XIAP: variants seen among roughly 807,000 people sequenced by gnomAD.
XIAP encodes X-linked inhibitor of apoptosis.
In XIAP, 3 loss-of-function variants were observed where a neutral mutation model predicts 33.1. The ratio of observed to expected loss-of-function variants is 0.09; its 90% CI spans 0.04 to 0.23. XIAP has a LOEUF of 0.23. Ranked by LOEUF, XIAP falls within the 10% of genes least tolerant of loss-of-function variation. The probability of loss-of-function intolerance (pLI) is 1.00; values close to 1 mark genes in which losing one functional copy is unlikely to be tolerated. For missense variants in XIAP, 264 were observed against 363.0 expected (o/e 0.73, Z 2.22); for synonymous variants, 98 against 121.3 (o/e 0.81, Z 1.26).
chrX:123,903,721 G>A (rs2053536398), intron 6 of XIAP, among the ~76,000 whole-genome samples: 3 of 104,197 alleles, frequency 2.9e-5, no homozygotes, highest in Non-Finnish European at 3.9e-5. Flanking sequence ...GTATGGTTCC[G>A]TAGTGTTAAG....
At chrX:123,880,642 CAG>C (rs371158989) in intron 1 of XIAP, among the ~76,000 whole-genome samples, 25 of 102,084 alleles carry the variant, frequency 2.4e-4, no homozygotes, top group African/African-American at 8.0e-4. Flanking sequence ...GAGGCTGAGA[CAG>C]GAGAATGGCT....
At chrX:123,897,661 C>T (rs2053473701) in intron 5 of XIAP, among the ~76,000 whole-genome samples, 1 of 111,218 alleles carries the variant, frequency 9.0e-6, no homozygotes, top group African/African-American at 3.3e-5. Flanking sequence ...CTCCCGGGTT[C>T]AAGCGATTCT....
chrX:123,895,380 A>C (rs2053450605), intron 5 of XIAP, among the ~76,000 whole-genome samples: 1 of 112,087 alleles, frequency 8.9e-6, no homozygotes, highest in Admixed American at 9.5e-5. Flanking sequence ...CTACTTTTTG[A>C]CTATTATGAA....
chrX:123,896,784 A>G (rs2053464641), intron 5 of XIAP, among the ~76,000 whole-genome samples: 1 of 107,367 alleles, frequency 9.3e-6, no homozygotes, highest in South Asian at 4.1e-4. Flanking sequence ...GGGTTTCACC[A>G]TGTTGGCCAG....
chrX:123,860,240 C>G lies in XIAP; in HGVS notation c.-86C>G, dbSNP rs1326997163. 2.4e-5 allele frequency: 8 copies of G among 328,855 alleles called. No homozygotes were observed. Among genetic ancestry groups the G allele is most frequent in the Non-Finnish European group, 4.1e-5 (7 of 169,830 alleles). The allele number at this position is 328,855 out of a possible 1,213,427, so 27.1% of individuals were successfully genotyped here. A position where few individuals can be genotyped will look rare whatever the true frequency, so the allele number is the denominator to read the frequency against. ...GGGCCGCGCCTCCTCCGGGACCCTC[C>G]CCTTGGACCGAGCCGATCGCCGCGG... is the stretch of plus-strand genomic sequence containing the variant. On this transcript the variant is annotated 5_prime_UTR_variant, in exon 1 of 7. Coordinates refer to ENST00000371199, the MANE Select transcript of XIAP (RefSeq NM_001167.4).
intron 1 of XIAP, among the ~76,000 whole-genome samples, chrX:123,869,962 A>AT (rs67494680): frequency 0.017 from 1,870 of 108,335 alleles, 10 homozygotes; most frequent in African/African-American, 0.025. Flanking sequence ...AAGAGGATTG[A>AT]TTTTTTTTTT....
At position 123,910,535 on chromosome X, in the gene XIAP, T is replaced by C. The variant is rs1385874152; in HGVS notation, c.*3354T>C. ...GAAAGGGGCTAGTATATCAGTAGGATATACTATGGGATGTATATATATCAT... is the reference window on the plus strand; with the variant it reads ...GAAAGGGGCTAGTATATCAGTAGGACATACTATGGGATGTATATATATCAT... On this transcript the variant is annotated 3_prime_UTR_variant, in exon 7 of 7. Transcript: ENST00000371199. 5 of 329,315 alleles carry C rather than the reference T, an allele frequency of 1.5e-5. No homozygotes were observed. Among genetic ancestry groups the C allele is most frequent in the South Asian group, 1.3e-4 (5 of 38,494 alleles). The allele number at this position is 329,315 out of a possible 1,213,427, so 27.1% of individuals were successfully genotyped here.
chrX:123,906,942 A>G, intron 6 of XIAP, 46 bp from the exon 7 acceptor site: 1 of 1,188,579 alleles, frequency 8.4e-7, no homozygotes. Context: ...GAATTTAAAC[A>G]ACTAAGAGAG....
chrX:123,862,180 C>A (rs1267627378), intron 1 of XIAP, among the ~76,000 whole-genome samples: 1 of 107,337 alleles, frequency 9.3e-6, no homozygotes, highest in Non-Finnish European at 1.9e-5. Context: ...TGGGTTCAAG[C>A]TACTCAGCCT....
At chrX:123,864,455 GTTTTTT>G in intron 1 of XIAP, among the ~76,000 whole-genome samples, 1 of 49,596 alleles carries the variant, frequency 2.0e-5, no homozygotes. Flanking sequence ...CCTTTCTTCT[GTTTTTT>G]TTTTTTTTTT....
chrX:123,869,060 C>T (rs2053169315), intron 1 of XIAP, among the ~76,000 whole-genome samples: 1 of 110,741 alleles, frequency 9.0e-6, no homozygotes, highest in South Asian at 3.8e-4. Flanking sequence ...CTGAGAATAG[C>T]TTGATCTCAG....
At position 123,867,656 on chromosome X, in the gene XIAP, G is replaced by GC. The variant is rs1354138712; in HGVS notation, c.-33+7368dup. On this transcript the variant is annotated intron_variant, in intron 1 of 6. Transcript: ENST00000371199. Reference sequence around the variant, plus strand: ...CAAAGTATTGGGATTACAGGTGTGAGCCCCCGTACCTGGCCTTTTTTTTTT... The same window carrying GC: ...CAAAGTATTGGGATTACAGGTGTGAGCCCCCCGTACCTGGCCTTTTTTTTTT... Among the ~76,000 whole-genome samples the GC allele has an allele frequency of 1.0e-4, 10 of 100,266 alleles. No individual in the cohort carries two copies. The South Asian group carries it at 4.5e-3, about 45-fold the overall frequency. The allele number at this position is 100,266 out of a possible 115,157, so 87.1% of individuals were successfully genotyped here.
At chrX:123,860,339 T>G (rs1238994053) in intron 1 of XIAP, 46 bp downstream of exon 1, 3 of 325,222 alleles carry the variant, frequency 9.2e-6, no homozygotes, top group Admixed American at 6.3e-5. Context: ...CTTTCCCTCC[T>G]TCCCCTCTCC....
rs1179641178 is a variant in XIAP at position 123,907,373 on chromosome X, T to G, written c.*192T>G. 1 of 498,439 alleles carries G rather than the reference T, an allele frequency of 2.0e-6. No homozygotes were observed. The highest frequency in any genetic ancestry group is 2.3e-5 in the African/African-American group (1 of 43,223). 41.1% of individuals were successfully genotyped at this position (498,439 alleles called of 1,213,427 possible). ...TTGATTTTTCAGGGTATTAGCTGTA[T>G]TATCCATTTTTTTTACTGTTATTTA... On this transcript the variant is annotated 3_prime_UTR_variant, in exon 7 of 7. Coordinates refer to ENST00000371199, the MANE Select transcript of XIAP (RefSeq NM_001167.4).
chrX:123,884,444 T>C (rs999477033), intron 1 of XIAP, among the ~76,000 whole-genome samples: 4 of 106,603 alleles, frequency 3.8e-5, no homozygotes, highest in African/African-American at 1.4e-4. Context: ...TATCACACCA[T>C]TGCACTCCAG....
intron 6 of XIAP, among the ~76,000 whole-genome samples, chrX:123,903,941 A>T (rs1165519372): frequency 9.1e-6 from 1 of 109,936 alleles, no homozygotes; most frequent in East Asian, 2.9e-4. Flanking sequence ...ATACAGAGCA[A>T]GACCCTATCT....
chrX:123,866,669 T>A (rs1217706923), intron 1 of XIAP, among the ~76,000 whole-genome samples: 1 of 102,903 alleles, frequency 9.7e-6, no homozygotes, highest in Non-Finnish European at 1.9e-5. Flanking sequence ...ATATGTAAAA[T>A]ATATTACATA....
In XIAP at chrX:123,899,144, A is replaced by AAAAAAAAATAT. The variant is rs1186271285; in HGVS notation, c.1100-1348_1100-1347insAAAAAAATATA. ...CAAAAAAAAAAAAAAAAAAAAAAAA[A>AAAAAAAAATAT]ATATATATATATATATATATATGAT... On this transcript the variant is annotated intron_variant, in intron 5 of 6. Transcript: ENST00000371199. Among the ~76,000 whole-genome samples the AAAAAAAAATAT allele has an allele frequency of 2.8e-4, 14 of 50,182 alleles. 3 individuals carry two copies. Among genetic ancestry groups the AAAAAAAAATAT allele is most frequent in the East Asian group, 7.0e-4 (1 of 1,419 alleles). The allele number at this position is 50,182 out of a possible 115,157, so 43.6% of individuals were successfully genotyped here.
intron 1 of XIAP, among the ~76,000 whole-genome samples, chrX:123,864,627 C>T (rs1024640611): frequency 3.3e-5 from 3 of 91,122 alleles, no homozygotes; most frequent in Non-Finnish European, 4.3e-5. Flanking sequence ...CCACCACACC[C>T]GGCTTAGAGT....
Sources: allele counts gnomAD v4.1 joint callset (sites outside exome capture counted in the v4.1 genomes callset), GRCh38; gene constraint gnomAD v4.1.1; transcripts MANE v1.5; gene names NCBI Gene and HGNC (gene_info 2026-07-23, HGNC 2026-07-21).